MAGI2: variants seen among roughly 807,000 people sequenced by gnomAD.
MAGI2 encodes the protein membrane-associated guanylate kinase, WW and PDZ domain-containing protein 2.
Under a neutral mutation model 133.3 loss-of-function variants are expected in MAGI2, and 35 were observed. The ratio of observed to expected loss-of-function variants is 0.26; its 90% CI spans 0.20 to 0.35. The LOEUF (loss-of-function observed/expected upper bound fraction) is 0.35. Among genes scored for constraint, MAGI2 ranks in the 10% least tolerant of loss-of-function variants. The pLI, the probability that MAGI2 is intolerant of heterozygous loss-of-function variation, is 1.00. For synonymous variants in MAGI2, 729 were observed against 710.6 expected, an observed-to-expected ratio of 1.03 and a Z score of -0.41; for missense variants, 1,636 against 1,863.4, an observed-to-expected ratio of 0.88 and a Z score of 2.25.
chr7:78,198,065 C>T (rs1332262423), intron 11 of MAGI2, among the ~76,000 whole-genome samples: 2 of 152,198 alleles, frequency 1.3e-5, no homozygotes, highest in Non-Finnish European at 2.9e-5. Flanking sequence ...ATCCTGTCGC[C>T]TTACTGAGGT....
chr7:78,694,741 T>A (rs760437689), intron 2 of MAGI2, among the ~76,000 whole-genome samples: 6 of 152,198 alleles, frequency 3.9e-5, no homozygotes, highest in Non-Finnish European at 5.9e-5. Context: ...ACATAGCTTA[T>A]AAAGGCCAAT....
chr7:78,342,924 G>A (rs1346628407), intron 9 of MAGI2, among the ~76,000 whole-genome samples: 3 of 152,102 alleles, frequency 2.0e-5, no homozygotes, highest in East Asian at 1.9e-4. Flanking sequence ...AAACCTGCTC[G>A]TTCTGCACAT....
intron 10 of MAGI2, chr7:78,255,257 C>G (rs1792847929): frequency 6.5e-6 from 1 of 153,956 alleles, no homozygotes; most frequent in Admixed American, 6.5e-5. Flanking sequence ...GGCACTGTTC[C>G]TATTTCCATA....
At chr7:78,415,178 A>G (rs1798188437) in intron 6 of MAGI2, among the ~76,000 whole-genome samples, 1 of 152,122 alleles carries the variant, frequency 6.6e-6, no homozygotes, top group Admixed American at 6.6e-5. Context: ...ATAAACAGGA[A>G]TAAGATTAAG....
intron 1 of MAGI2, among the ~76,000 whole-genome samples, chr7:79,077,670 A>G (rs977017610): frequency 6.6e-6 from 1 of 151,602 alleles, no homozygotes; most frequent in Non-Finnish European, 1.5e-5. Context: ...GGAAAAATAC[A>G]GAGAAGCAAA....
At chr7:78,400,818 T>C (rs1432441510) in intron 6 of MAGI2, among the ~76,000 whole-genome samples, 1 of 152,182 alleles carries the variant, frequency 6.6e-6, no homozygotes, top group African/African-American at 2.4e-5. Flanking sequence ...AGTAGTTTTC[T>C]GGGCATTTCT....
chr7:79,131,241 G>A (rs1027215317), intron 1 of MAGI2, among the ~76,000 whole-genome samples: 1 of 152,092 alleles, frequency 6.6e-6, no homozygotes, highest in African/African-American at 2.4e-5. Context: ...CCAATTCATC[G>A]GTTCTGGGCT....
chr7:78,704,818 T>A (rs1818465694), intron 2 of MAGI2, among the ~76,000 whole-genome samples: 1 of 127,232 alleles, frequency 7.9e-6, no homozygotes, highest in South Asian at 2.4e-4. Flanking sequence ...TTTTACTCTG[T>A]TGCCCAGGCT....
intron 1 of MAGI2, among the ~76,000 whole-genome samples, chr7:79,397,714 T>A (rs1845161719): frequency 6.6e-6 from 1 of 152,122 alleles, no homozygotes; most frequent in Admixed American, 6.6e-5. Context: ...TAAAAACAAT[T>A]ATTTTGCTTT....
chr7:79,378,971 T>TATATATATATATATATA (rs1563168412), intron 1 of MAGI2, among the ~76,000 whole-genome samples: 1 of 101,442 alleles, frequency 9.9e-6, no homozygotes, highest in Non-Finnish European at 2.1e-5. Flanking sequence ...TATATATATA[T>TATATATATATATATATA]TAAACTTTAA....
At chr7:78,364,166 C>T (rs1251272183) in intron 7 of MAGI2, among the ~76,000 whole-genome samples, 2 of 152,160 alleles carry the variant, frequency 1.3e-5, no homozygotes, top group Admixed American at 1.3e-4. Flanking sequence ...TGTGCAAATT[C>T]TGTTTATAAG....
chr7:78,385,691 A>G (rs16885984), intron 6 of MAGI2, among the ~76,000 whole-genome samples: 529 of 152,324 alleles, frequency 3.5e-3, no homozygotes, highest in South Asian at 0.01. Context: ...TACTGAAATC[A>G]CAATTCTTTC....
At chr7:79,445,230 A>T (rs541543625) in intron 1 of MAGI2, among the ~76,000 whole-genome samples, 2,091 of 152,346 alleles carry the variant, frequency 0.014, 51 homozygotes, top group African/African-American at 0.048. Flanking sequence ...AAACCTAGGC[A>T]ATACCATTCA....
chr7:78,620,874 AGTG>A (rs1807661310), intron 3 of MAGI2, among the ~76,000 whole-genome samples: 1 of 152,066 alleles, frequency 6.6e-6, no homozygotes, highest in East Asian at 1.9e-4. Flanking sequence ...TTACAACAGA[AGTG>A]GTGTTCTGGA....
intron 2 of MAGI2, among the ~76,000 whole-genome samples, chr7:78,937,417 AG>A (rs140858941): frequency 0.027 from 4,128 of 152,266 alleles, 159 homozygotes; most frequent in African/African-American, 0.087. Context: ...AAATTACTAG[AG>A]GAGTAATAGT....
Position 78,962,472 on chromosome 7 carries a change from A to G in MAGI2, c.418+44618T>C, listed in dbSNP as rs557742402. On this transcript the variant is annotated intron_variant, in intron 2 of 21. Transcript: ENST00000354212. ...TATCATCTCTACCACCTGCTCACCA[A>G]GAATAATTTAAATCAGGCCAATTCT... is the stretch of plus-strand genomic sequence containing the variant. Among the ~76,000 whole-genome samples the G allele has an allele frequency of 7.2e-4, 110 of 151,818 alleles. 2 individuals are homozygous for G. In the South Asian group the frequency reaches 0.01, roughly 14 times the overall value.
chr7:78,074,248 G>C (rs565998819), intron 21 of MAGI2, among the ~76,000 whole-genome samples: 24 of 152,218 alleles, frequency 1.6e-4, no homozygotes, highest in Middle Eastern at 3.4e-3. Context: ...TTGGAGTCAT[G>C]CTGATTTTGT....
intron 6 of MAGI2, among the ~76,000 whole-genome samples, chr7:78,390,114 G>A (rs553636302): frequency 6.6e-6 from 1 of 152,102 alleles, no homozygotes; most frequent in Admixed American, 6.5e-5. Flanking sequence ...TTGACATCTG[G>A]ACAGAATCTC....
At chr7:78,765,576 T>C (rs964061356) in intron 2 of MAGI2, among the ~76,000 whole-genome samples, 6 of 152,038 alleles carry the variant, frequency 3.9e-5, no homozygotes, top group African/African-American at 1.4e-4. Flanking sequence ...CTCGAACTCC[T>C]GACCTTGTGA....
Sources: allele counts gnomAD v4.1 joint callset (sites outside exome capture counted in the v4.1 genomes callset), GRCh38; gene constraint gnomAD v4.1.1; transcripts MANE v1.5; gene names NCBI Gene and HGNC (gene_info 2026-07-23, HGNC 2026-07-21).